The following ZDHHC11B variants were observed in gnomAD, a reference collection of about 807,000 sequenced individuals.
ZDHHC11B encodes the protein zDHHC palmitoyltransferase 11B (putative).
In ZDHHC11B, 17 loss-of-function variants were observed where a neutral mutation model predicts 42.3. The observed-to-expected ratio is 0.40, with a 90% CI of 0.27 to 0.60. The LOEUF is 0.60. ZDHHC11B is among the 20% of genes least tolerant of loss of function. The pLI is 0.41. For synonymous variants in ZDHHC11B, 123 were observed against 193.5 expected (o/e 0.64, Z 3.02); for missense variants, 262 against 463.2 (o/e 0.57, Z 3.99).
At chr5:777,695 T>A (rs12516738) in intron 1 of ZDHHC11B, among the ~76,000 whole-genome samples, 6,870 of 148,094 alleles carry the variant, frequency 0.046, 11 homozygotes, top group East Asian at 0.14. Context: ...GATTGGTGCA[T>A]TGACAAGCCT....
intron 1 of ZDHHC11B, among the ~76,000 whole-genome samples, chr5:770,518 C>A (rs1233069294): frequency 2.6e-5 from 4 of 151,506 alleles, no homozygotes; most frequent in Non-Finnish European, 5.9e-5. Flanking sequence ...CACTGTCCCT[C>A]CTGTGGACGC....
intron 12 of ZDHHC11B, among the ~76,000 whole-genome samples, chr5:729,547 C>CTA: frequency 1.1e-5 from 1 of 93,438 alleles, no homozygotes; most frequent in African/African-American, 6.8e-5. Context: ...TGACTGTGTG[C>CTA]GAGTGTGTGT....
chr5:712,862 T>C (rs1367151016), intron 13 of ZDHHC11B, among the ~76,000 whole-genome samples: 1 of 151,434 alleles, frequency 6.6e-6, no homozygotes, highest in African/African-American at 2.4e-5. Flanking sequence ...TGAGCCAAGA[T>C]TGGGCCACTG....
intron 4 of ZDHHC11B, among the ~76,000 whole-genome samples, chr5:766,033 C>T (rs537541034): frequency 4.3e-4 from 66 of 151,988 alleles, no homozygotes; most frequent in African/African-American, 1.5e-3. Context: ...TTTGTCCCCA[C>T]ACATCCATGT....
chr5:757,275 G>A (rs1426705914), intron 4 of ZDHHC11B, among the ~76,000 whole-genome samples: 4 of 152,002 alleles, frequency 2.6e-5, no homozygotes, highest in South Asian at 4.2e-4. Flanking sequence ...GCAGGCTGCC[G>A]GCCTGTGTCG....
At chr5:748,828 T>A (rs1347924709) in intron 7 of ZDHHC11B, among the ~76,000 whole-genome samples, 1 of 130,614 alleles carries the variant, frequency 7.7e-6, no homozygotes, top group Non-Finnish European at 1.7e-5. Flanking sequence ...CATCCACCCC[T>A]TCCTAAGTTC....
chr5:766,998 G>A (rs1579434054), intron 3 of ZDHHC11B, 79 bp from the exon 4 acceptor site: 1 of 1,504,774 alleles, frequency 6.6e-7, no homozygotes, highest in Non-Finnish European at 9.1e-7. Context: ...GGAGACCACG[G>A]GGACTGGGAA....
chr5:724,196 C>G (rs1414678022), intron 12 of ZDHHC11B, among the ~76,000 whole-genome samples: 4 of 150,572 alleles, frequency 2.7e-5, no homozygotes, highest in Non-Finnish European at 5.9e-5. Flanking sequence ...CTTACGTGTT[C>G]CATCTTTTTT....
intron 1 of ZDHHC11B, among the ~76,000 whole-genome samples, chr5:776,358 A>C (rs7704483): frequency 0.18 from 26,704 of 147,710 alleles, 931 homozygotes; most frequent in African/African-American, 0.37. Flanking sequence ...CATGACCTGG[A>C]CCCAGGTCGC....
At chr5:745,439 C>T in intron 8 of ZDHHC11B, 141 bp from the exon 9 acceptor site, 2 of 771,838 alleles carry the variant, frequency 2.6e-6, no homozygotes, top group Non-Finnish European at 4.2e-6. Flanking sequence ...CATGCAGGCC[C>T]TGTGAGGTCA....
In ZDHHC11B at chr5:733,629, C is replaced by T. The variant is rs151215390; in HGVS notation, c.1023+123G>A. 6.2e-3 allele frequency: 5,137 copies of T among 833,262 alleles called. 229 individuals carry two copies. In the African/African-American group the frequency reaches 0.075, roughly 12 times the overall value. The allele number at this position is 833,262 out of a possible 1,614,324, so 51.6% of individuals were successfully genotyped here. A position where few individuals can be genotyped will look rare whatever the true frequency, so the allele number is the denominator to read the frequency against. On this transcript the variant is annotated intron_variant, in intron 11 of 13. Transcript: ENST00000508859. The stretch of plus-strand genomic sequence containing the variant: ...CCCACCATCATTCCCATGTGAGCAG[C>T]ACCCTTGGACACAGAGTGCTTCTAT...
Position 767,301 on chromosome 5 carries a change from C to T in ZDHHC11B, c.-1+91G>A, listed in dbSNP as rs564732108. ...TGGACGGCTGCGGGATGGCCCTCTCCCCACCCACACACATGTGGGGCTCCG... is the reference window on the plus strand; with the variant it reads ...TGGACGGCTGCGGGATGGCCCTCTCTCCACCCACACACATGTGGGGCTCCG... On this transcript the variant is annotated intron_variant, in intron 3 of 13. Coordinates refer to ENST00000508859, the MANE Select transcript of ZDHHC11B (RefSeq NM_001351303.2). 8.4e-5 allele frequency: 120 copies of T among 1,427,678 alleles called. 4 individuals are homozygous for T. In the African/African-American group the frequency reaches 1.2e-3, roughly 14 times the overall value. 88.4% of individuals were successfully genotyped at this position (1,427,678 alleles called of 1,614,324 possible).
intron 4 of ZDHHC11B, among the ~76,000 whole-genome samples, chr5:761,230 GAGGGC>G (rs1390633754): frequency 6.6e-6 from 1 of 151,904 alleles, no homozygotes; most frequent in African/African-American, 2.4e-5. Flanking sequence ...CCCGTGTCTG[GAGGGC>G]ATGTGCTAGA....
intron 10 of ZDHHC11B, among the ~76,000 whole-genome samples, chr5:737,722 T>C (rs1370263023): frequency 1.3e-5 from 2 of 149,548 alleles, no homozygotes; most frequent in Non-Finnish European, 3.0e-5. Flanking sequence ...TCTCAATAGA[T>C]GCAGAAAAAG....
rs1366446181 is a variant in ZDHHC11B at position 711,954 on chromosome 5, A to AGCTG, written c.*332_*335dup. On this transcript the variant is annotated 3_prime_UTR_variant, in exon 14 of 14. Coordinates refer to ENST00000508859, the MANE Select transcript of ZDHHC11B (RefSeq NM_001351303.2). ...GCTCTTAAGCAGCAAGAGGCCCTGC[A>AGCTG]GCTGGCTGGCTGGCTGGACAGCACA... 1.6e-5 allele frequency: 2 copies of AGCTG among 123,018 alleles called. No homozygotes were observed. The highest frequency in any genetic ancestry group is 6.5e-5 in the African/African-American group (2 of 30,926). The allele number at this position is 123,018 out of a possible 1,614,324, so 7.6% of individuals were successfully genotyped here.
At chr5:783,294 G>A (rs1189417438) in intron 1 of ZDHHC11B, among the ~76,000 whole-genome samples, 1 of 152,266 alleles carries the variant, frequency 6.6e-6, no homozygotes, top group Non-Finnish European at 1.5e-5. Context: ...GCGGCTGACA[G>A]GCGCGAGAGC....
intron 12 of ZDHHC11B, among the ~76,000 whole-genome samples, chr5:727,436 A>C: frequency 6.8e-6 from 1 of 147,866 alleles, no homozygotes. Flanking sequence ...CCTGGAACCG[A>C]AACAAAATGT....
chr5:729,984 G>C (rs1301040499), intron 12 of ZDHHC11B, among the ~76,000 whole-genome samples: 1 of 150,912 alleles, frequency 6.6e-6, no homozygotes, highest in East Asian at 1.9e-4. Flanking sequence ...CTCTTTATAA[G>C]GGTCTTCTTT....
At chr5:736,780 C>T (rs1269632518) in intron 10 of ZDHHC11B, among the ~76,000 whole-genome samples, 1 of 128,018 alleles carries the variant, frequency 7.8e-6, no homozygotes, top group Non-Finnish European at 1.6e-5. Context: ...ATAACTGTGG[C>T]ATGACTTATC....
Sources: gnomAD v4.1 joint callset for allele counts (sites outside exome capture counted in the v4.1 genomes callset) on GRCh38, gnomAD v4.1.1 for gene constraint, MANE v1.5 for transcripts, NCBI Gene and HGNC (gene_info 2026-07-23, HGNC 2026-07-21) for gene names.